Variants in POU6F2 observed in about 807,000 individuals in gnomAD.
The protein encoded by POU6F2 is POU domain, class 6, transcription factor 2.
POU6F2 carries 31 observed loss-of-function variants against 71.3 expected under a neutral mutation model. The ratio of observed to expected loss-of-function variants is 0.43; its 90% CI spans 0.33 to 0.59. The LOEUF (loss-of-function observed/expected upper bound fraction) is 0.59. POU6F2 is among the 20% of genes least tolerant of loss of function. The pLI is 0.04. For synonymous variants in POU6F2, 347 were observed against 355.7 expected (o/e 0.98, Z 0.27); for missense variants, 783 against 856.8 (o/e 0.91, Z 1.07).
intron 5 of POU6F2, 72 bp downstream of exon 5, chr7:39,340,087 A>G (rs1785882561): frequency 1.4e-5 from 21 of 1,459,234 alleles, no homozygotes; most frequent in South Asian, 6.8e-5. Context: ...GCCATCCCCA[A>G]AGGCAGAGGG....
chr7:39,048,207 T>A (rs530806671), intron 1 of POU6F2, among the ~76,000 whole-genome samples: 2 of 152,092 alleles, frequency 1.3e-5, no homozygotes, highest in African/African-American at 4.8e-5. Context: ...TTTCTCTCTT[T>A]TTTTAAGCTT....
intron 4 of POU6F2, among the ~76,000 whole-genome samples, chr7:39,267,655 A>G (rs1397003380): frequency 6.7e-6 from 1 of 149,444 alleles, no homozygotes; most frequent in Non-Finnish European, 1.5e-5. Context: ...TTTTTTTTAG[A>G]GGCAAGGTCT....
chr7:39,201,892 G>C (rs1232040785), intron 2 of POU6F2, among the ~76,000 whole-genome samples: 1 of 152,172 alleles, frequency 6.6e-6, no homozygotes, highest in African/African-American at 2.4e-5. Context: ...AGACGGATTA[G>C]TTTATGGTCC....
At position 39,445,563 on chromosome 7, in the gene POU6F2, C is replaced by G. The variant is rs111392046; in HGVS notation, c.1321-5970C>G. ...CCACTCTCCCTCCTCTGTCCTAAAT[C>G]CCTCCCTCCTCTGTAAAGCCTCTCT... On this transcript the variant is annotated intron_variant, in intron 7 of 9. Coordinates refer to ENST00000518318, the MANE Select transcript of POU6F2 (RefSeq NM_001370959.1). 6.2e-4 allele frequency among the ~76,000 whole-genome samples: 95 copies of G among 152,288 alleles called. No homozygotes were observed. In the Middle Eastern group the frequency reaches 0.01, roughly 16 times the overall value.
At chr7:39,019,983 T>C (rs1485229593) in intron 1 of POU6F2, among the ~76,000 whole-genome samples, 2 of 152,152 alleles carry the variant, frequency 1.3e-5, no homozygotes, top group Admixed American at 1.3e-4. Flanking sequence ...TATGCATGAA[T>C]GAAGAAGTAA....
At chr7:39,083,389 T>C (rs138826021) in intron 1 of POU6F2, among the ~76,000 whole-genome samples, 1 of 152,228 alleles carries the variant, frequency 6.6e-6, no homozygotes, top group East Asian at 1.9e-4. Context: ...ATTCAACCTT[T>C]TAAAAAGTAA....
At chr7:39,355,727 T>C (rs1786242828) in intron 5 of POU6F2, among the ~76,000 whole-genome samples, 1 of 152,206 alleles carries the variant, frequency 6.6e-6, no homozygotes, top group Non-Finnish European at 1.5e-5. Flanking sequence ...AGTTTCAACA[T>C]TATACCACTG....
intron 1 of POU6F2, among the ~76,000 whole-genome samples, chr7:39,056,243 T>A (rs936337155): frequency 1.3e-5 from 2 of 152,088 alleles, no homozygotes; most frequent in African/African-American, 2.4e-5. Flanking sequence ...AGATGTTGTA[T>A]GTTGTTTCAA....
chr7:39,418,505 C>T (rs1229677493), intron 6 of POU6F2, among the ~76,000 whole-genome samples: 1 of 152,060 alleles, frequency 6.6e-6, no homozygotes, highest in Non-Finnish European at 1.5e-5. Context: ...GCCTGGCCAA[C>T]ATTGTGAAAC....
At chr7:39,376,563 A>T (rs991497164) in intron 5 of POU6F2, among the ~76,000 whole-genome samples, 1 of 152,216 alleles carries the variant, frequency 6.6e-6, no homozygotes, top group Admixed American at 6.5e-5. Context: ...TAACATTCTC[A>T]TGCTCTCTCA....
intron 1 of POU6F2, among the ~76,000 whole-genome samples, chr7:39,030,543 T>TATATATATATACAC (rs1491146903): frequency 2.3e-5 from 2 of 88,012 alleles, no homozygotes; most frequent in Middle Eastern, 5.9e-3. Context: ...TATATATATA[T>TATATATATATACAC]ACACACACAT....
intron 4 of POU6F2, among the ~76,000 whole-genome samples, chr7:39,248,084 A>C (rs1045079265): frequency 6.6e-6 from 1 of 152,054 alleles, no homozygotes; most frequent in African/African-American, 2.4e-5. Flanking sequence ...CTTCCCAGTA[A>C]CTGTTCTCTT....
At chr7:39,339,100 G>C (rs949745506) in intron 4 of POU6F2, among the ~76,000 whole-genome samples, 1 of 149,892 alleles carries the variant, frequency 6.7e-6, no homozygotes, top group Non-Finnish European at 1.5e-5. Context: ...AAAAAAAACA[G>C]TTAGAAATTT....
intron 4 of POU6F2, among the ~76,000 whole-genome samples, chr7:39,240,895 A>G (rs868489313): frequency 1.3e-5 from 2 of 152,168 alleles, no homozygotes; most frequent in Non-Finnish European, 1.5e-5. Context: ...AGAATTCAAA[A>G]GGGAGACAGC....
At chr7:39,427,508 G>T (rs1583594609) in intron 6 of POU6F2, among the ~76,000 whole-genome samples, 1 of 152,102 alleles carries the variant, frequency 6.6e-6, no homozygotes, top group African/African-American at 2.4e-5. Context: ...CTCTTAGTGT[G>T]ACAGAAAGTG....
At chr7:39,309,389 C>T (rs570112773) in intron 4 of POU6F2, among the ~76,000 whole-genome samples, 25 of 152,212 alleles carry the variant, frequency 1.6e-4, no homozygotes, top group Admixed American at 1.4e-3. Flanking sequence ...AGAGAAGAGG[C>T]AGGGTAGGAT....
chr7:39,173,409 G>A (rs565689973), intron 2 of POU6F2, among the ~76,000 whole-genome samples: 16 of 152,184 alleles, frequency 1.1e-4, no homozygotes, highest in Non-Finnish European at 2.4e-4. Flanking sequence ...AACAGGAATA[G>A]TCATAGTAAC....
chr7:39,336,928 A>G (rs960495105), intron 4 of POU6F2, among the ~76,000 whole-genome samples: 1 of 152,248 alleles, frequency 6.6e-6, no homozygotes. Context: ...TGCTAAGTAT[A>G]GAACACATTT....
At chr7:39,151,387 C>G (rs1380060310) in intron 2 of POU6F2, among the ~76,000 whole-genome samples, 1 of 152,182 alleles carries the variant, frequency 6.6e-6, no homozygotes, top group Non-Finnish European at 1.5e-5. Flanking sequence ...CATGTATCCT[C>G]TCTGGGGGCC....
Sources: gnomAD v4.1 joint callset for allele counts (sites outside exome capture counted in the v4.1 genomes callset) on GRCh38, gnomAD v4.1.1 for gene constraint, MANE v1.5 for transcripts, NCBI Gene and HGNC (gene_info 2026-07-23, HGNC 2026-07-21) for gene names.